Variants in ST6GAL2 observed in about 807,000 individuals in gnomAD.
ST6GAL2 encodes beta-galactoside alpha-2,6-sialyltransferase 2.
In ST6GAL2, 24 loss-of-function variants were observed where a neutral mutation model predicts 37.5. That is an observed-to-expected ratio of 0.64 (90% CI 0.46 to 0.90). The LOEUF (loss-of-function observed/expected upper bound fraction) is 0.90. Ranked by LOEUF, ST6GAL2 falls within the 40% of genes least tolerant of loss-of-function variation. The pLI, the probability that ST6GAL2 is intolerant of heterozygous loss-of-function variation, is 0.00. For missense variants in ST6GAL2, 715 were observed against 712.7 expected (o/e 1.00, Z -0.04); for synonymous variants, 306 against 295.1 (o/e 1.04, Z -0.38).
rs115680800 is a variant in ST6GAL2 at position 106,835,329 on chromosome 2, C to A, written c.944-1183G>T. On this transcript the variant is annotated intron_variant, in intron 2 of 5. Transcript: ENST00000409382. ...AGCCCGCACAAGTGCCTAAGGCAGC[C>A]GCCTTCTTCCCTGAGTTCCTGCTAT... 1.7e-3 allele frequency among the ~76,000 whole-genome samples: 264 copies of A among 152,274 alleles called. 3 individuals carry two copies. Among genetic ancestry groups the A allele is most frequent in the African/African-American group, 6.1e-3 (253 of 41,546 alleles).
intron 5 of ST6GAL2, among the ~76,000 whole-genome samples, chr2:106,828,199 C>A (rs976236749): frequency 1.3e-5 from 2 of 152,034 alleles, no homozygotes; most frequent in African/African-American, 4.8e-5. Flanking sequence ...CTGACAGGCC[C>A]CTCTAACTGT....
At chr2:106,887,051 G>A (rs545327490), upstream of ST6GAL2, 187 of 152,766 alleles carry the variant, frequency 1.2e-3, no homozygotes, top group South Asian at 9.1e-3. Context: ...AGGAATGCAG[G>A]AATGCGCACA....
chr2:106,875,229 T>G (rs955599570), intron 1 of ST6GAL2, among the ~76,000 whole-genome samples: 1 of 150,992 alleles, frequency 6.6e-6, no homozygotes, highest in Non-Finnish European at 1.5e-5. Context: ...CAGCCTGGAA[T>G]GCAGGGTGTG....
intron 5 of ST6GAL2, among the ~76,000 whole-genome samples, chr2:106,824,289 C>T (rs1676118873): frequency 6.6e-6 from 1 of 152,142 alleles, no homozygotes; most frequent in Non-Finnish European, 1.5e-5. Flanking sequence ...ATAGTTATGT[C>T]TTCCAAAGAA....
At chr2:106,847,029 G>GT (rs1220456161) in intron 1 of ST6GAL2, among the ~76,000 whole-genome samples, 1 of 152,178 alleles carries the variant, frequency 6.6e-6, no homozygotes. Context: ...ACCTTTCACA[G>GT]TAAGTTCTGA....
At chr2:106,817,963 T>C (rs1675866612) in intron 5 of ST6GAL2, among the ~76,000 whole-genome samples, 1 of 152,168 alleles carries the variant, frequency 6.6e-6, no homozygotes, top group African/African-American at 2.4e-5. Flanking sequence ...GGGCTAGTAG[T>C]GGCCATGGGA....
chr2:106,873,742 T>C (rs1678378974), intron 1 of ST6GAL2, among the ~76,000 whole-genome samples: 1 of 152,200 alleles, frequency 6.6e-6, no homozygotes. Context: ...AATTATGAGG[T>C]TGAATGGTTT....
intron 1 of ST6GAL2, among the ~76,000 whole-genome samples, chr2:106,859,733 AG>A (rs1339562737): frequency 6.6e-6 from 1 of 152,102 alleles, no homozygotes; most frequent in African/African-American, 2.4e-5. Flanking sequence ...TGAACTATGA[AG>A]AACTTCTGAA....
Position 106,843,366 on chromosome 2 carries a change from C to T in ST6GAL2, c.612G>A (p.Leu204=), listed in dbSNP as rs552236231. The T allele has an allele frequency of 7.9e-5, 127 of 1,614,150 alleles. 2 individuals carry two copies. In the South Asian group the frequency reaches 1.3e-3, roughly 17 times the overall value. Residue 204 remains leucine (L), a synonymous_variant, in exon 2 of 6, where the codon CTG becomes CTA. Transcript: ENST00000409382. ...RLYSSMSRAF[L]YRLWKGNVSS... ...AGACGTTCCCCTTCCAGAGCCGGTA[C>T]AGGAAGGCCCTGGACATGGAGGAGT...
In ST6GAL2 at chr2:106,819,278, G is replaced by T. The variant is rs533085992; in HGVS notation, c.1318+10788C>A. On this transcript the variant is annotated intron_variant, in intron 5 of 5. Transcript: ENST00000409382. ...CACCAAGCAGATTTAACTTGAAAAA[G>T]AATACCTCAAGAAATTTAATAACCA... Among the ~76,000 whole-genome samples the T allele has an allele frequency of 2.0e-4, 30 of 151,200 alleles. 1 individual carries two copies. In the South Asian group the frequency reaches 4.4e-3, roughly 22 times the overall value.
chr2:106,825,471 A>G (rs1676166778), intron 5 of ST6GAL2, among the ~76,000 whole-genome samples: 1 of 152,254 alleles, frequency 6.6e-6, no homozygotes, highest in African/African-American at 2.4e-5. Flanking sequence ...ACCCATGGAA[A>G]TTGTGTGAGA....
intron 5 of ST6GAL2, among the ~76,000 whole-genome samples, chr2:106,824,381 C>A (rs1430750172): frequency 6.6e-6 from 1 of 152,058 alleles, no homozygotes; most frequent in Non-Finnish European, 1.5e-5. Flanking sequence ...GCCTGTAATC[C>A]CAGCACTTTG....
At chr2:106,874,404 G>C (rs926330461) in intron 1 of ST6GAL2, among the ~76,000 whole-genome samples, 1 of 152,102 alleles carries the variant, frequency 6.6e-6, no homozygotes, top group Non-Finnish European at 1.5e-5. Context: ...AGGGGAGTAG[G>C]AAAGTGGAGA....
chr2:106,844,924 A>C (rs1257528469), intron 1 of ST6GAL2, among the ~76,000 whole-genome samples: 2 of 152,220 alleles, frequency 1.3e-5, no homozygotes, highest in African/African-American at 4.8e-5. Context: ...AGCACACAGC[A>C]CTTAGTACCA....
At chr2:106,885,159 C>A (rs1355256417) in intron 1 of ST6GAL2, among the ~76,000 whole-genome samples, 1 of 151,596 alleles carries the variant, frequency 6.6e-6, no homozygotes, top group East Asian at 1.9e-4. Flanking sequence ...TCCAGCCCAC[C>A]AAAGACCCCC....
chr2:106,857,838 A>G (rs566351774), intron 1 of ST6GAL2, among the ~76,000 whole-genome samples: 14 of 152,204 alleles, frequency 9.2e-5, no homozygotes, highest in African/African-American at 3.4e-4. Flanking sequence ...GTGGGGTGAC[A>G]CTCAAGAACA....
chr2:106,826,539 C>CA (rs67548358), intron 5 of ST6GAL2, among the ~76,000 whole-genome samples: 8,288 of 103,198 alleles, frequency 0.08, 363 homozygotes, highest in Admixed American at 0.16. Flanking sequence ...GACTCCGTCT[C>CA]AAAAAAAAAA....
chr2:106,871,634 T>C (rs1678274754), intron 1 of ST6GAL2, among the ~76,000 whole-genome samples: 2 of 152,336 alleles, frequency 1.3e-5, no homozygotes, highest in Admixed American at 1.3e-4. Flanking sequence ...TTAAATTTTT[T>C]TGTTAAAAGC....
At chr2:106,837,296 G>T (rs1676687656) in intron 2 of ST6GAL2, among the ~76,000 whole-genome samples, 1 of 152,042 alleles carries the variant, frequency 6.6e-6, no homozygotes, top group African/African-American at 2.4e-5. Flanking sequence ...GTGCCCCACT[G>T]AATCTGAAAA....
Sources: allele counts gnomAD v4.1 joint callset (sites outside exome capture counted in the v4.1 genomes callset), GRCh38; gene constraint gnomAD v4.1.1; transcripts MANE v1.5; gene names NCBI Gene and HGNC (gene_info 2026-07-23, HGNC 2026-07-21).